The following TIGD5 variants were observed in gnomAD, a reference collection of about 807,000 sequenced individuals.
TIGD5 encodes the protein tigger transposable element-derived protein 5.
In TIGD5, 24 loss-of-function variants were observed where a neutral mutation model predicts 28.8. The ratio of observed to expected loss-of-function variants is 0.83; its 90% CI spans 0.60 to 1.17. The LOEUF (loss-of-function observed/expected upper bound fraction) is 1.17, where lower values mean the gene tolerates loss of function less well. TIGD5 is among the 50% of genes most tolerant of loss of function. TIGD5 has a pLI of 0.00. For missense variants in TIGD5, 922 were observed against 911.4 expected (o/e 1.01, Z -0.15); for synonymous variants, 538 against 430.5 (o/e 1.25, Z -3.09).
rs534300979 is a variant in TIGD5, at chr8:143,600,289, A to T, written c.*457A>T. 2.0e-3 allele frequency: 331 copies of T among 164,314 alleles called. No individual in the cohort carries two copies. The highest frequency in any genetic ancestry group is 8.5e-3 in the Middle Eastern group (3 of 354). The allele number at this position is 164,314 out of a possible 1,614,324, so 10.2% of individuals were successfully genotyped here. On this transcript the variant is annotated 3_prime_UTR_variant, in exon 1 of 1. Transcript: ENST00000504548. The stretch of plus-strand genomic sequence containing the variant: ...ACACCACTTGATTCTATTTTTTTTT[A>T]ACACATTAAATCTGTTTTTAAAGAT...
chr8:143,599,868 T>G lies in TIGD5; in HGVS notation c.*36T>G. On this transcript the variant is annotated 3_prime_UTR_variant, in exon 1 of 1. Coordinates refer to ENST00000504548, the MANE Select transcript of TIGD5 (RefSeq NM_032862.5). Reference sequence around the variant, plus strand: ...CCAGTGACCTTTCTCCTGCTGCACTTGGAGGGAGGGGACATACACACAGTC... The same window carrying G: ...CCAGTGACCTTTCTCCTGCTGCACTGGGAGGGAGGGGACATACACACAGTC... 1.5e-5 allele frequency: 21 copies of G among 1,443,512 alleles called. No individual in the cohort carries two copies. The highest frequency in any genetic ancestry group is 1.9e-5 in the Non-Finnish European group (21 of 1,107,464). The allele number at this position is 1,443,512 out of a possible 1,614,324, so 89.4% of individuals were successfully genotyped here. A position where few individuals can be genotyped will look rare whatever the true frequency, so the allele number is the denominator to read the frequency against.
In TIGD5 at chr8:143,599,054, A is replaced by C. The variant is rs1829187775; in HGVS notation, c.1151A>C (p.Glu384Ala). Reference sequence around the variant, plus strand: ...GATGCCCCCGTGCGGTGCAGGCCGGAGCCCCTCGGTCCCCCGGAGGAGCTG... The same window carrying C: ...GATGCCCCCGTGCGGTGCAGGCCGGCGCCCCTCGGTCCCCCGGAGGAGCTG... ...SEDAPVRCRP[E>A]PLGPPEELQT... The change falls in exon 1 of 1, where the codon GAG becomes GCG. Residue 384 changes from glutamate (E) to alanine (A), a missense_variant. Around this residue, in one of 3 missense-constraint regions of TIGD5, gnomAD observed 821 missense variants for 815.2 expected, o/e 1.01. Transcript: ENST00000504548. The C allele has an allele frequency of 6.4e-7, 1 of 1,570,686 alleles. No individual in the cohort carries two copies. The highest frequency in any genetic ancestry group is 8.6e-7 in the Non-Finnish European group (1 of 1,162,890).
At position 143,599,540 on chromosome 8, in the gene TIGD5, G is replaced by T; in HGVS notation, c.1637G>T (p.Arg546Met). The change falls in exon 1 of 1, where the codon AGG becomes ATG. Residue 546 changes from arginine to methionine, a missense_variant. Around this residue, in one of 3 missense-constraint regions of TIGD5, gnomAD observed 821 missense variants for 815.2 expected, o/e 1.01. Coordinates refer to ENST00000504548, the MANE Select transcript of TIGD5 (RefSeq NM_032862.5). ...GATGGGGGTCCGCCCGAGGGCTGCAGGGAGGAGGTGGGCCCAGCCCTGCCC... is the reference window on the plus strand; with the variant it reads ...GATGGGGGTCCGCCCGAGGGCTGCATGGAGGAGGTGGGCCCAGCCCTGCCC... ...DDDGGPPEGC[R>M]EEVGPALPPA... The T allele has an allele frequency of 6.3e-7, 1 of 1,577,160 alleles. No individual in the cohort carries two copies.
At position 143,600,431 on chromosome 8, in the gene TIGD5, T is replaced by TGG. The variant is rs1365539313; in HGVS notation, c.*600_*601dup. ...GAGCATCACTGTGGAGTGGGAGGGG[T>TGG]GGAGCCCTGTATTAGGTTCTGGGTG... is the stretch of plus-strand genomic sequence containing the variant. On this transcript the variant is annotated 3_prime_UTR_variant, in exon 1 of 1. Coordinates refer to ENST00000504548, the MANE Select transcript of TIGD5 (RefSeq NM_032862.5). 1.3e-5 allele frequency: 2 copies of TGG among 152,010 alleles called. No homozygotes were observed. Among genetic ancestry groups the TGG allele is most frequent in the Non-Finnish European group, 2.9e-5 (2 of 68,050 alleles). The allele number at this position is 152,010 out of a possible 1,614,324, so 9.4% of individuals were successfully genotyped here. A position where few individuals can be genotyped will look rare whatever the true frequency, so the allele number is the denominator to read the frequency against.
Position 143,599,503 on chromosome 8 carries a change from C to T in TIGD5, c.1600C>T (p.His534Tyr). ...TCCGGAGGAGGTTGCGGAGTGGCTG[C>T]ACCTGGACGATGATGGGGGTCCGCC... ...LAPEEVAEWL[H>Y]LDDDGGPPEG... is the part of the protein sequence containing the mutation. The change falls in exon 1 of 1, where the codon CAC (histidine) becomes TAC (tyrosine). Residue 534 changes from histidine to tyrosine, a missense_variant. His to Tyr is a moderately conservative substitution (Grantham distance 83). This residue lies in a region of TIGD5 where 821 missense variants were observed against 815.2 expected (regional missense o/e 1.01). Transcript: ENST00000504548. The T allele has an allele frequency of 6.3e-7, 1 of 1,591,214 alleles. No individual in the cohort carries two copies.
chr8:143,600,112 G>T lies in TIGD5; in HGVS notation c.*280G>T. The T allele has an allele frequency of 5.4e-6, 2 of 373,476 alleles. No homozygotes were observed. The highest frequency in any genetic ancestry group is 9.5e-6 in the Non-Finnish European group (2 of 210,270). 23.1% of individuals were successfully genotyped at this position (373,476 alleles called of 1,614,324 possible). A position where few individuals can be genotyped will look rare whatever the true frequency, so the allele number is the denominator to read the frequency against. ...CAAGGCACAGCGCCTGTTGGAACAG[G>T]TGGCTGTGTTCCTGCTCTGGCCCCC... On this transcript the variant is annotated 3_prime_UTR_variant, in exon 1 of 1. Coordinates refer to ENST00000504548, the MANE Select transcript of TIGD5 (RefSeq NM_032862.5).
chr8:143,599,499 G>C lies in TIGD5; in HGVS notation c.1596G>C (p.Trp532Cys), dbSNP rs778976713. 1.3e-5 allele frequency: 21 copies of C among 1,591,518 alleles called. No homozygotes were observed. The highest frequency in any genetic ancestry group is 1.8e-5 in the Non-Finnish European group (21 of 1,170,188). The change falls in exon 1 of 1, where the codon TGG becomes TGC. Residue 532 changes from tryptophan to cysteine, a missense_variant. This residue lies in a region of TIGD5 where 821 missense variants were observed against 815.2 expected (regional missense o/e 1.01). Transcript: ENST00000504548. ...KCLAPEEVAEWLHLDDDGGPP... is the reference protein window; with the variant it reads ...KCLAPEEVAECLHLDDDGGPP... ...TGGCTCCGGAGGAGGTTGCGGAGTGGCTGCACCTGGACGATGATGGGGGTC... is the reference window on the plus strand; with the variant it reads ...TGGCTCCGGAGGAGGTTGCGGAGTGCCTGCACCTGGACGATGATGGGGGTC...
Position 143,597,870 on chromosome 8 carries a change from G to T in TIGD5, c.-34G>T. 1.4e-6 allele frequency: 1 copy of T among 712,520 alleles called. No individual in the cohort carries two copies. Among genetic ancestry groups the T allele is most frequent in the South Asian group, 6.2e-5 (1 of 16,144 alleles). 44.1% of individuals were successfully genotyped at this position (712,520 alleles called of 1,614,324 possible). On this transcript the variant is annotated 5_prime_UTR_variant, in exon 1 of 1. Coordinates refer to ENST00000504548, the MANE Select transcript of TIGD5 (RefSeq NM_032862.5). ...GAGCGGCTGGGCGTGTGGCTCCCGC[G>T]ACCCGCGCGGCCCGGGTCCCCCCCG...
At position 143,602,108 on chromosome 8, in the gene TIGD5, A is replaced by AAAG. The variant is rs1386529290; in HGVS notation, c.*2278_*2279insGAA. 1 of 151,932 alleles carries AAAG rather than the reference A, an allele frequency of 6.6e-6. No homozygotes were observed. The highest frequency in any genetic ancestry group is 2.4e-5 in the African/African-American group (1 of 41,364). The allele number at this position is 151,932 out of a possible 1,614,324, so 9.4% of individuals were successfully genotyped here. On this transcript the variant is annotated 3_prime_UTR_variant, in exon 1 of 1. Transcript: ENST00000504548. ...GAGACTCTGTCTCAAAAAAAAAAAAAAAAAAGTGCAGGTGCACGCTGGTGG... is the reference window on the plus strand; with the variant it reads ...GAGACTCTGTCTCAAAAAAAAAAAAAAAGAAAAAGTGCAGGTGCACGCTGGTGG...
Position 143,599,898 on chromosome 8 carries a change from A to C in TIGD5, c.*66A>C. On this transcript the variant is annotated 3_prime_UTR_variant, in exon 1 of 1. Transcript: ENST00000504548. The stretch of plus-strand genomic sequence containing the variant: ...GGAGGGGACATACACACAGTCTCCC[A>C]TCTCTCCTCCCCTCCCCCTGGGGTG... 1.4e-6 allele frequency: 2 copies of C among 1,406,368 alleles called. No homozygotes were observed. The highest frequency in any genetic ancestry group is 1.8e-6 in the Non-Finnish European group (2 of 1,084,478). 87.1% of individuals were successfully genotyped at this position (1,406,368 alleles called of 1,614,324 possible).
rs1337702596 is a variant in TIGD5, at chr8:143,601,585, G to C, written c.*1753G>C. The stretch of plus-strand genomic sequence containing the variant: ...TTGTCTGTAGTCTGGGCGGCCCGTG[G>C]CGCTGCCCTTCAGCCCAACTACTCA... On this transcript the variant is annotated 3_prime_UTR_variant, in exon 1 of 1. Transcript: ENST00000504548. 1 of 152,304 alleles carries C rather than the reference G, an allele frequency of 6.6e-6. No individual in the cohort carries two copies. Among genetic ancestry groups the C allele is most frequent in the African/African-American group, 2.4e-5 (1 of 41,486 alleles). 9.4% of individuals were successfully genotyped at this position (152,304 alleles called of 1,614,324 possible).
At position 143,599,264 on chromosome 8, in the gene TIGD5, T is replaced by C; in HGVS notation, c.1361T>C (p.Leu454Pro). The C allele has an allele frequency of 6.2e-7, 1 of 1,611,494 alleles. No individual in the cohort carries two copies. Among genetic ancestry groups the C allele is most frequent in the Non-Finnish European group, 8.5e-7 (1 of 1,179,540 alleles). ...CTGGACTTCATGCGCAGCTTCATGC[T>C]CAAGGACATGCTCTACCTGGCTGGC... ...SPLDFMRSFM[L>P]KDMLYLAGLS... The change falls in exon 1 of 1, where the codon CTC becomes CCC. Residue 454 changes from leucine to proline, a missense_variant. Physicochemically the swap from Leu to Pro is moderately conservative, Grantham distance 98. Around this residue, in one of 3 missense-constraint regions of TIGD5, gnomAD observed 821 missense variants for 815.2 expected, o/e 1.01. Coordinates refer to ENST00000504548, the MANE Select transcript of TIGD5 (RefSeq NM_032862.5).
chr8:143,599,933 A>G lies in TIGD5; in HGVS notation c.*101A>G. On this transcript the variant is annotated 3_prime_UTR_variant, in exon 1 of 1. Coordinates refer to ENST00000504548, the MANE Select transcript of TIGD5 (RefSeq NM_032862.5). ...CCCTCCCCCTGGGGTGGCCCACCGC[A>G]TGGGTACAGGGGGTTCCAGGAATCC... 2 of 1,326,514 alleles carry G rather than the reference A, an allele frequency of 1.5e-6. No homozygotes were observed. The highest frequency in any genetic ancestry group is 2.0e-4 in the Middle Eastern group (1 of 5,032). The allele number at this position is 1,326,514 out of a possible 1,614,324, so 82.2% of individuals were successfully genotyped here.
chr8:143,599,415 C>G lies in TIGD5; in HGVS notation c.1512C>G (p.Ala504=). 1.3e-6 allele frequency: 2 copies of G among 1,568,680 alleles called. No homozygotes were observed. The highest frequency in any genetic ancestry group is 8.6e-7 in the Non-Finnish European group (1 of 1,157,616). ...AGCCGGCCCAGGCCGAGGAAGCCGC[C>G]GAGCACAGCAGGGTGCTCAGCGACC... ...AGQPAQAEEA[A]EHSRVLSDLT... Residue 504 remains alanine, a synonymous_variant, in exon 1 of 1, where the codon GCC becomes GCG. Coordinates refer to ENST00000504548, the MANE Select transcript of TIGD5 (RefSeq NM_032862.5).
chr8:143,598,499 C>G lies in TIGD5; in HGVS notation c.596C>G (p.Pro199Arg), dbSNP rs1345131867. 1.5e-6 allele frequency: 2 copies of G among 1,369,708 alleles called. No individual in the cohort carries two copies. Among genetic ancestry groups the G allele is most frequent in the Non-Finnish European group, 9.4e-7 (1 of 1,067,498 alleles). The allele number at this position is 1,369,708 out of a possible 1,614,324, so 84.8% of individuals were successfully genotyped here. ...GGGCCCCCAGCCCCGAGCCCCGCGC[C>G]CGGCCCGCCCGTCAAGGAGGAGCCC... ...EAGPPAPSPA[P>R]GPPVKEEPAL... The change falls in exon 1 of 1, where the codon CCC (proline) becomes CGC (arginine). Residue 199 changes from proline to arginine, a missense_variant. Transcript: ENST00000504548. This position sits in a 1 kb window ranked among gnomAD's most constrained non-coding sequence, Gnocchi z 6.6.
At position 143,598,914 on chromosome 8, in the gene TIGD5, C is replaced by T. The variant is rs185261954; in HGVS notation, c.1011C>T (p.Val337=). The T allele has an allele frequency of 4.3e-4, 693 of 1,596,358 alleles. 3 individuals carry two copies. The African/African-American group carries it at 8.1e-3, about 19-fold the overall frequency. ...GGGGCTGGTTCTTTGAGGAATTTGTCCCAGGCGTCAAACGCTACCTGCGCC... is the reference window on the plus strand; with the variant it reads ...GGGGCTGGTTCTTTGAGGAATTTGTTCCAGGCGTCAAACGCTACCTGCGCC... ...LLRGWFFEEF[V]PGVKRYLRRS... The change falls in exon 1 of 1, where the codon GTC becomes GTT. Residue 337 remains valine, a synonymous_variant. Coordinates refer to ENST00000504548, the MANE Select transcript of TIGD5 (RefSeq NM_032862.5). This position sits in a 1 kb window ranked among gnomAD's most constrained non-coding sequence, Gnocchi z 6.6.
Position 143,598,937 on chromosome 8 carries a change from G to A in TIGD5, c.1034G>A (p.Arg345His), listed in dbSNP as rs757813988. Residue 345 changes from arginine (R) to histidine (H), a missense_variant, in exon 1 of 1, where the codon CGC becomes CAC. Physicochemically the swap from Arg to His is conservative, Grantham distance 29 (BLOSUM62 0). Around this residue, in one of 3 missense-constraint regions of TIGD5, gnomAD observed 821 missense variants for 815.2 expected, o/e 1.01. Coordinates refer to ENST00000504548, the MANE Select transcript of TIGD5 (RefSeq NM_032862.5). This position sits in a 1 kb window ranked among gnomAD's most constrained non-coding sequence, Gnocchi z 6.6. The part of the protein sequence containing the change: ...EFVPGVKRYL[R>H]RSCLQQKAVL... ...GTCCCAGGCGTCAAACGCTACCTGC[G>A]CCGAAGCTGCCTGCAGCAGAAGGCC... is the stretch of plus-strand genomic sequence containing the variant. 18 of 1,588,678 alleles carry A rather than the reference G, an allele frequency of 1.1e-5. No individual in the cohort carries two copies. Among genetic ancestry groups the A allele is most frequent in the East Asian group, 9.0e-5 (4 of 44,384 alleles).
chr8:143,602,077 C>T lies in TIGD5; in HGVS notation c.*2245C>T, dbSNP rs555680350. On this transcript the variant is annotated 3_prime_UTR_variant, in exon 1 of 1. Coordinates refer to ENST00000504548, the MANE Select transcript of TIGD5 (RefSeq NM_032862.5). The stretch of plus-strand genomic sequence containing the variant: ...CAACACCGCGCTCCAGTCTGCGCGA[C>T]AGAGCGAGACTCTGTCTCAAAAAAA... 19 of 133,606 alleles carry T rather than the reference C, an allele frequency of 1.4e-4. No individual in the cohort carries two copies. Among genetic ancestry groups the T allele is most frequent in the African/African-American group, 4.8e-4 (17 of 35,642 alleles). The allele number at this position is 133,606 out of a possible 1,614,324, so 8.3% of individuals were successfully genotyped here.
chr8:143,601,252 T>C lies in TIGD5; in HGVS notation c.*1420T>C, dbSNP rs1173297877. 2 of 152,134 alleles carry C rather than the reference T, an allele frequency of 1.3e-5. No individual in the cohort carries two copies. Among genetic ancestry groups the C allele is most frequent in the Non-Finnish European group, 2.9e-5 (2 of 68,020 alleles). 9.4% of individuals were successfully genotyped at this position (152,134 alleles called of 1,614,324 possible). A position where few individuals can be genotyped will look rare whatever the true frequency, so the allele number is the denominator to read the frequency against. On this transcript the variant is annotated 3_prime_UTR_variant, in exon 1 of 1. Coordinates refer to ENST00000504548, the MANE Select transcript of TIGD5 (RefSeq NM_032862.5). Reference sequence around the variant, plus strand: ...ATATGTATATATCTATATCTCAAAATCTGAGAGCTCAGGGAGGCCGTGGAA... The same window carrying C: ...ATATGTATATATCTATATCTCAAAACCTGAGAGCTCAGGGAGGCCGTGGAA...
Sources: allele counts gnomAD v4.1 joint callset, GRCh38; gene constraint gnomAD v4.1.1; regional missense constraint gnomAD v4.1.1; non-coding constraint Gnocchi (gnomAD v3.1); transcripts MANE v1.5; gene names NCBI Gene and HGNC (gene_info 2026-07-23, HGNC 2026-07-21).